FAM185A: variants seen among roughly 807,000 people sequenced by gnomAD.
FAM185A encodes the protein protein FAM185A.
In FAM185A, 21 loss-of-function variants were observed where a neutral mutation model predicts 45.7. The observed-to-expected ratio is 0.46, with a 90% CI of 0.33 to 0.66. The LOEUF (loss-of-function observed/expected upper bound fraction) is 0.66. Ranked by LOEUF, FAM185A falls within the 30% of genes least tolerant of loss-of-function variation. FAM185A has a pLI of 0.03. For missense variants in FAM185A, 305 were observed against 485.4 expected (o/e 0.63, Z 3.49); for synonymous variants, 117 against 194.0 (o/e 0.60, Z 3.30).
chr7:102,754,349 C>T (rs1793558790), intron 2 of FAM185A, among the ~76,000 whole-genome samples: 2 of 152,192 alleles, frequency 1.3e-5, no homozygotes, highest in South Asian at 4.1e-4. Context: ...TACAGGCACC[C>T]GCTATCATGC....
chr7:102,778,356 T>C (rs1236500624), intron 6 of FAM185A, among the ~76,000 whole-genome samples: 1 of 152,288 alleles, frequency 6.6e-6, no homozygotes, highest in African/African-American at 2.4e-5. Context: ...CTTCAGGTAA[T>C]ACTCTTCAGG....
At chr7:102,822,295 AC>A in the FAM185A span, 1 of 1,177,106 alleles carries the variant, frequency 8.5e-7, no homozygotes, top group Non-Finnish European at 1.3e-6. Context: ...ATAATAAACT[AC>A]CACAGACTGT....
the FAM185A span, chr7:102,834,464 T>C: frequency 2.7e-5 from 4 of 146,824 alleles, no homozygotes; most frequent in Non-Finnish European, 4.5e-5. Context: ...ATTATATATA[T>C]ATATATATAT....
the FAM185A span, among the ~76,000 whole-genome samples, chr7:102,845,572 A>G: frequency 6.6e-6 from 1 of 152,190 alleles, no homozygotes; most frequent in Non-Finnish European, 1.5e-5. Flanking sequence ...ATGCATGGAC[A>G]TCGTCTTTAA....
At chr7:102,757,348 T>G (rs569670734) in intron 2 of FAM185A, among the ~76,000 whole-genome samples, 1 of 152,372 alleles carries the variant, frequency 6.6e-6, no homozygotes, top group Admixed American at 6.5e-5. Flanking sequence ...GTGATTTACC[T>G]TTCTGAATCT....
At chr7:102,765,540 G>C (rs1328440897) in intron 4 of FAM185A, among the ~76,000 whole-genome samples, 2 of 151,836 alleles carry the variant, frequency 1.3e-5, no homozygotes, top group African/African-American at 4.8e-5. Context: ...AGTACTTAGA[G>C]CATGCCCATT....
chr7:102,759,850 A>G (rs2129433679), intron 3 of FAM185A, among the ~76,000 whole-genome samples: 1 of 152,218 alleles, frequency 6.6e-6, no homozygotes, highest in Admixed American at 6.5e-5. Context: ...GATGATGATG[A>G]TAAAGGTAAA....
intron 1 of FAM185A, among the ~76,000 whole-genome samples, chr7:102,750,917 T>C (rs1368950323): frequency 6.6e-6 from 1 of 152,180 alleles, no homozygotes; most frequent in Non-Finnish European, 1.5e-5. Flanking sequence ...TTGTTTGTTT[T>C]GGTTTTTTTT....
At chr7:102,833,304 T>TC in the FAM185A span, among the ~76,000 whole-genome samples, 2 of 152,134 alleles carry the variant, frequency 1.3e-5, no homozygotes, top group Non-Finnish European at 2.9e-5. Flanking sequence ...TGGCAGACAC[T>TC]CCAAGATTGA....
the FAM185A span, among the ~76,000 whole-genome samples, chr7:102,833,468 G>C: frequency 7.6e-6 from 1 of 132,322 alleles, no homozygotes; most frequent in Non-Finnish European, 1.6e-5. Context: ...GTCTTCCTCT[G>C]TTGCCCAGGC....
chr7:102,805,180 G>T (rs1797036494), intron 7 of FAM185A, among the ~76,000 whole-genome samples: 1 of 152,126 alleles, frequency 6.6e-6, no homozygotes, highest in African/African-American at 2.4e-5. Flanking sequence ...CCACTACTGG[G>T]TATCTACCCA....
the FAM185A span, chr7:102,822,265 C>CT: frequency 6.6e-7 from 1 of 1,516,780 alleles, no homozygotes; most frequent in Non-Finnish European, 9.1e-7. Context: ...AGAACAGTGC[C>CT]TTAGTCACTT....
intron 4 of FAM185A, among the ~76,000 whole-genome samples, chr7:102,771,528 CTTT>C (rs1183912268): frequency 1.3e-5 from 2 of 151,748 alleles, no homozygotes; most frequent in East Asian, 3.9e-4. Flanking sequence ...AATCCAGTGC[CTTT>C]TTTTGGTTTT....
the FAM185A span, among the ~76,000 whole-genome samples, chr7:102,831,424 CACA>C: frequency 6.6e-6 from 1 of 151,652 alleles, no homozygotes; most frequent in African/African-American, 2.4e-5. Flanking sequence ...CACACACACA[CACA>C]CACACCCCAC....
chr7:102,771,646 G>A (rs1451523833), intron 4 of FAM185A, among the ~76,000 whole-genome samples: 2 of 151,950 alleles, frequency 1.3e-5, no homozygotes, highest in Non-Finnish European at 1.5e-5. Context: ...TTACTTTTTA[G>A]TGTAGTTTTG....
chr7:102,767,529 C>A (rs1312594160), intron 4 of FAM185A, among the ~76,000 whole-genome samples: 2 of 151,504 alleles, frequency 1.3e-5, no homozygotes, highest in African/African-American at 4.8e-5. Context: ...ACAAATGTCT[C>A]TATATTCCTT....
intron 1 of FAM185A, among the ~76,000 whole-genome samples, chr7:102,750,762 G>A (rs889471381): frequency 7.2e-5 from 11 of 152,112 alleles, no homozygotes; most frequent in Non-Finnish European, 1.3e-4. Flanking sequence ...AAATATCAGC[G>A]TTTTTAATTT....
At chr7:102,790,174 C>T (rs1465722156) in intron 7 of FAM185A, among the ~76,000 whole-genome samples, 1 of 152,114 alleles carries the variant, frequency 6.6e-6, no homozygotes, top group Non-Finnish European at 1.5e-5. Context: ...TTCTCATTAT[C>T]AAGTATTATG....
downstream of FAM185A, among the ~76,000 whole-genome samples, chr7:102,810,723 G>T (rs904978887): frequency 6.6e-6 from 1 of 151,968 alleles, no homozygotes; most frequent in Admixed American, 6.5e-5. Flanking sequence ...CTCCTGAGTT[G>T]CTGGGATTAC....
Sources: gnomAD v4.1 joint callset for allele counts (sites outside exome capture counted in the v4.1 genomes callset) on GRCh38, gnomAD v4.1.1 for gene constraint, MANE v1.5 for transcripts, NCBI Gene and HGNC (gene_info 2026-07-23, HGNC 2026-07-21) for gene names.